ERI1: variants seen among roughly 807,000 people sequenced by gnomAD.
ERI1 encodes the protein exoribonuclease 1.
Under a neutral mutation model 39.7 loss-of-function variants are expected in ERI1, and 39 were observed. The observed-to-expected ratio is 0.98, with a 90% confidence interval of 0.76 to 1.28. ERI1 has a LOEUF of 1.28. ERI1 is among the 50% of genes most tolerant of loss of function. ERI1 has a pLI of 0.00. For synonymous variants in ERI1, 204 were observed against 149.6 expected (o/e 1.36, Z -2.65); for missense variants, 581 against 416.9 (o/e 1.39, Z -3.43).
chr8:9,078,459 A>G (rs1397479913), intron 3 of ERI1, among the ~76,000 whole-genome samples: 1 of 152,160 alleles, frequency 6.6e-6, no homozygotes, highest in Non-Finnish European at 1.5e-5. Context: ...CCATAGAGCT[A>G]ATACTTGGTA....
In ERI1 at chr8:9,011,505, T is replaced by C. The variant is rs992302247; in HGVS notation, c.288-37T>C. On this transcript the variant is annotated intron_variant, in intron 2 of 6. Coordinates refer to ENST00000250263, the MANE Select transcript of ERI1 (RefSeq NM_153332.4). ...AGAGTTTTGATTCTTGACTGTAGAA[T>C]TTACCTAAGTGTAACTAGTCTTCTT... 2.8e-6 allele frequency: 4 copies of C among 1,432,730 alleles called. No individual in the cohort carries two copies. The African/African-American group carries it at 4.3e-5, about 15-fold the overall frequency. The allele number at this position is 1,432,730 out of a possible 1,614,324, so 88.8% of individuals were successfully genotyped here.
chr8:9,029,419 C>T (rs1220699557), intron 6 of ERI1, among the ~76,000 whole-genome samples: 1 of 152,158 alleles, frequency 6.6e-6, no homozygotes, highest in Non-Finnish European at 1.5e-5. Context: ...GCCTCCACCT[C>T]CCAGGTTCAG....
At position 9,030,148 on chromosome 8, in the gene ERI1, T is replaced by C; in HGVS notation, c.*114T>C. The C allele has an allele frequency of 7.4e-7, 1 of 1,351,090 alleles. No individual in the cohort carries two copies. The highest frequency in any genetic ancestry group is 1.0e-6 in the Non-Finnish European group (1 of 991,606). 83.7% of individuals were successfully genotyped at this position (1,351,090 alleles called of 1,614,324 possible). The stretch of plus-strand genomic sequence containing the variant: ...TTTAAGCACCTTAAAACATTTAAAA[T>C]CTTATTACAGGTGATAGAGATAGAT... On this transcript the variant is annotated 3_prime_UTR_variant, in exon 7 of 7. Transcript: ENST00000250263.
intron 3 of ERI1, among the ~76,000 whole-genome samples, chr8:9,085,482 A>G (rs1465799328): frequency 6.6e-6 from 1 of 152,102 alleles, no homozygotes; most frequent in Non-Finnish European, 1.5e-5. Flanking sequence ...TGCTGGGATT[A>G]CAGGCCTGAG....
At chr8:9,096,265 AG>A (rs745653740) in intron 3 of ERI1, among the ~76,000 whole-genome samples, 3 of 152,138 alleles carry the variant, frequency 2.0e-5, no homozygotes, top group Non-Finnish European at 4.4e-5. Flanking sequence ...AGGTCCTCTA[AG>A]GGTTTCCTGC....
At chr8:9,062,316 A>T (rs1798726760) in intron 3 of ERI1, among the ~76,000 whole-genome samples, 1 of 151,938 alleles carries the variant, frequency 6.6e-6, no homozygotes. Context: ...GAGAATGCGA[A>T]GGAGGCTTTG....
At chr8:9,096,335 G>A (rs757304392) in intron 3 of ERI1, among the ~76,000 whole-genome samples, 3 of 152,166 alleles carry the variant, frequency 2.0e-5, no homozygotes, top group Admixed American at 6.5e-5. Context: ...GATCTTGGAG[G>A]CTGGGGAAGA....
intron 3 of ERI1, among the ~76,000 whole-genome samples, chr8:9,099,335 C>G (rs1381563734): frequency 6.6e-6 from 1 of 152,062 alleles, no homozygotes; most frequent in Non-Finnish European, 1.5e-5. Context: ...GGCACAGTGG[C>G]TCATGCCTGT....
At chr8:9,004,359 GCTT>G in intron 1 of ERI1, 3 of 938,202 alleles carry the variant, frequency 3.2e-6, no homozygotes, top group Non-Finnish European at 4.1e-6. Flanking sequence ...GTTTGAATAT[GCTT>G]CTTTATATTT....
At chr8:9,083,116 G>T (rs1799418946) in intron 3 of ERI1, among the ~76,000 whole-genome samples, 1 of 152,124 alleles carries the variant, frequency 6.6e-6, no homozygotes, top group Admixed American at 6.5e-5. Context: ...GATAACCCTA[G>T]AAAAGCCCAG....
rs142929336 is a variant in ERI1, at chr8:9,097,541, C to T, written n.300-18807C>T. Among the ~76,000 whole-genome samples the T allele has an allele frequency of 2.8e-3, 429 of 152,018 alleles. 4 individuals carry two copies. The highest frequency in any genetic ancestry group is 0.011 in the East Asian group (55 of 5,152). On this transcript the variant is annotated intron_variant and non_coding_transcript_variant, in intron 3 of 3. Coordinates refer to the ERI1 transcript ENST00000518663. ...AAAATTAGCCAGACACGGTGGCGTG[C>T]GCCTGTAGTCCCAGCTACGCAGGAG...
intron 3 of ERI1, among the ~76,000 whole-genome samples, chr8:9,062,452 T>C (rs1465537794): frequency 6.7e-6 from 1 of 150,286 alleles, no homozygotes; most frequent in South Asian, 2.1e-4. Context: ...TAAAAAAGAG[T>C]GCAAAAAAGA....
intron 3 of ERI1, among the ~76,000 whole-genome samples, chr8:9,062,273 A>G (rs1412796810): frequency 6.6e-6 from 1 of 151,988 alleles, no homozygotes; most frequent in East Asian, 1.9e-4. Flanking sequence ...GAGGTATCTT[A>G]TACTTGTGGG....
At chr8:9,081,948 C>CA (rs1799386092) in intron 3 of ERI1, among the ~76,000 whole-genome samples, 1 of 152,146 alleles carries the variant, frequency 6.6e-6, no homozygotes. Flanking sequence ...TTTTTCTGAG[C>CA]AAAAGTTGTT....
Position 9,031,893 on chromosome 8 carries a change from G to A in ERI1, c.*1859G>A, listed in dbSNP as rs142505907. 6.6e-6 allele frequency: 1 copy of A among 152,268 alleles called. No individual in the cohort carries two copies. The highest frequency in any genetic ancestry group is 2.4e-5 in the African/African-American group (1 of 41,434). 9.4% of individuals were successfully genotyped at this position (152,268 alleles called of 1,614,324 possible). ...TTGCCTCAGCCTCCTGAGTAGCTCA[G>A]ATTACAGGCGCGTGCCACCACACCC... On this transcript the variant is annotated 3_prime_UTR_variant, in exon 7 of 7. Coordinates refer to ENST00000250263, the MANE Select transcript of ERI1 (RefSeq NM_153332.4).
intron 3 of ERI1, among the ~76,000 whole-genome samples, chr8:9,043,587 T>C (rs1023669343): frequency 3.3e-5 from 5 of 152,252 alleles, no homozygotes; most frequent in Non-Finnish European, 7.3e-5. Context: ...GTAGAAACTT[T>C]TAAATAGATA....
chr8:9,037,601 A>T (rs1797892597), downstream of ERI1, among the ~76,000 whole-genome samples: 1 of 152,146 alleles, frequency 6.6e-6, no homozygotes, highest in South Asian at 2.1e-4. Flanking sequence ...TTAGTTAAAA[A>T]TAATTAGTGA....
intron 2 of ERI1, among the ~76,000 whole-genome samples, chr8:9,009,972 G>T (rs1418810910): frequency 6.6e-6 from 1 of 152,228 alleles, no homozygotes; most frequent in Non-Finnish European, 1.5e-5. Flanking sequence ...GTAAGCAGAA[G>T]GGAGCCACTG....
rs1318995867 is a variant in ERI1, at chr8:9,032,088, T to A, written c.*2054T>A. The A allele has an allele frequency of 6.6e-6, 1 of 152,190 alleles. No individual in the cohort carries two copies. The highest frequency in any genetic ancestry group is 1.5e-5 in the Non-Finnish European group (1 of 68,050). 9.4% of individuals were successfully genotyped at this position (152,190 alleles called of 1,614,324 possible). On this transcript the variant is annotated 3_prime_UTR_variant, in exon 7 of 7. Coordinates refer to ENST00000250263, the MANE Select transcript of ERI1 (RefSeq NM_153332.4). ...CCCATTTTAATTCCTCTGTTGAGTC[T>A]CTGTCCTCCCCTCCAATTTGATTTG...
Sources: allele counts gnomAD v4.1 joint callset (sites outside exome capture counted in the v4.1 genomes callset), GRCh38; gene constraint gnomAD v4.1.1; transcripts MANE v1.5; gene names NCBI Gene and HGNC (gene_info 2026-07-23, HGNC 2026-07-21).